TUBA1A: variants seen among roughly 807,000 people sequenced by gnomAD.
TUBA1A encodes the protein tubulin alpha-1A chain.
In TUBA1A, 7 loss-of-function variants were observed where a neutral mutation model predicts 34.6. The ratio of observed to expected loss-of-function variants is 0.20; its 90% CI spans 0.11 to 0.38. The LOEUF (loss-of-function observed/expected upper bound fraction) is 0.38, where lower values mean the gene tolerates loss of function less well. TUBA1A is among the 10% of genes least tolerant of loss of function. The pLI is 1.00. For synonymous variants in TUBA1A, 193 were observed against 210.2 expected (o/e 0.92, Z 0.71); for missense variants, 19 against 581.3 (o/e 0.03, Z 9.95).
In TUBA1A at chr12:49,185,823, T is replaced by G. The variant is rs544713824; in HGVS notation, c.543A>C (p.Val181=). 6.2e-7 allele frequency: 1 copy of G among 1,613,890 alleles called. No homozygotes were observed. Among genetic ancestry groups the G allele is most frequent in the Admixed American group, 1.7e-5 (1 of 59,992 alleles). ...TGAGGATGGAGTTGTAGGGCTCAAC[T>G]ACAGCTGTGGAAACCTGGGGCGCCG... ...IYPAPQVSTA[V]VEPYNSILTT... The change falls in exon 4 of 4, where the codon GTA becomes GTC. Residue 181 remains valine (V), a synonymous_variant. Coordinates refer to ENST00000301071, the MANE Select transcript of TUBA1A (RefSeq NM_006009.4).
rs1022658132 is a variant in TUBA1A at position 49,188,867 on chromosome 12, C to T, written c.3+110G>A. On this transcript the variant is annotated intron_variant, in intron 1 of 3. Transcript: ENST00000301071. The surrounding 1 kb of genome is among the most constrained non-coding windows in gnomAD (Gnocchi z 4.9). The stretch of plus-strand genomic sequence containing the variant: ...AGCTAAACCTCACAAAACATACCAC[C>T]ACCCTCGCCCAGAGAGCTTACGAAA... 6.2e-7 allele frequency: 1 copy of T among 1,611,624 alleles called. No individual in the cohort carries two copies. The highest frequency in any genetic ancestry group is 1.3e-5 in the African/African-American group (1 of 74,918).
Position 49,188,250 on chromosome 12 carries a change from C to A in TUBA1A, c.3+727G>T. 3.0e-6 allele frequency: 3 copies of A among 983,988 alleles called. No homozygotes were observed. Among genetic ancestry groups the A allele is most frequent in the Non-Finnish European group, 3.6e-6 (3 of 828,768 alleles). 61.0% of individuals were successfully genotyped at this position (983,988 alleles called of 1,614,324 possible). ...AACCCTTTTGGAGCCTACAGTTCCG[C>A]AATGATGAAAGGTTTTTTTGTTTTT... On this transcript the variant is annotated intron_variant, in intron 1 of 3. Coordinates refer to ENST00000301071, the MANE Select transcript of TUBA1A (RefSeq NM_006009.4). This position sits in a 1 kb window ranked among gnomAD's most constrained non-coding sequence, Gnocchi z 4.9.
Position 49,188,728 on chromosome 12 carries a change from C to A in TUBA1A, c.3+249G>T. On this transcript the variant is annotated intron_variant, in intron 1 of 3. Transcript: ENST00000301071. The surrounding 1 kb of genome is among the most constrained non-coding windows in gnomAD (Gnocchi z 4.9). ...CCGAAAGTCTCTCGGATAACACAGG[C>A]GCCTAGGCGCCGCCTTTGTTCCTCC... The A allele has an allele frequency of 6.9e-7, 1 of 1,450,746 alleles. No individual in the cohort carries two copies. Among genetic ancestry groups the A allele is most frequent in the Non-Finnish European group, 9.0e-7 (1 of 1,110,782 alleles). 89.9% of individuals were successfully genotyped at this position (1,450,746 alleles called of 1,614,324 possible).
Position 49,186,257 on chromosome 12 carries a change from CA to C in TUBA1A, c.375+52del, listed in dbSNP as rs1942178858. On this transcript the variant is annotated intron_variant, in intron 3 of 3. Transcript: ENST00000301071. The surrounding 1 kb of genome is among the most constrained non-coding windows in gnomAD (Gnocchi z 6.6). ...GTGTTTGAAAAAAAAAGCATTATTTCAAATGTGTTCTTTAGGCTCATTAATT... is the reference window on the plus strand; with the variant it reads ...GTGTTTGAAAAAAAAAGCATTATTTCAATGTGTTCTTTAGGCTCATTAATT... 1.9e-6 allele frequency: 3 copies of C among 1,612,154 alleles called. No individual in the cohort carries two copies.
At position 49,185,997 on chromosome 12, in the gene TUBA1A, CAA is replaced by C. The variant is rs770430707; in HGVS notation, c.376-9_376-8del. On this transcript the variant is annotated splice_polypyrimidine_tract_variant and splice_region_variant and intron_variant, in intron 3 of 3. Coordinates refer to ENST00000301071, the MANE Select transcript of TUBA1A (RefSeq NM_006009.4). ...GACCCGTGCACTGGTCGGCCTATAACAAAAGAGAGGAACAGAGGAAAGGTTAA... is the reference window on the plus strand; with the variant it reads ...GACCCGTGCACTGGTCGGCCTATAACAAGAGAGGAACAGAGGAAAGGTTAA... 1.1e-5 allele frequency: 18 copies of C among 1,613,954 alleles called. No individual in the cohort carries two copies. Among genetic ancestry groups the C allele is most frequent in the Non-Finnish European group, 1.5e-5 (18 of 1,180,016 alleles).
chr12:49,189,032 G>A lies in TUBA1A; in HGVS notation c.-53C>T. The stretch of plus-strand genomic sequence containing the variant: ...ATGGCGGAGACGAAGAGGAGAGGTT[G>A]TTGCTTCTTACAGCGCGACTCTTAG... On this transcript the variant is annotated 5_prime_UTR_variant, in exon 1 of 4. Transcript: ENST00000301071. 1.9e-6 allele frequency: 3 copies of A among 1,612,692 alleles called. No individual in the cohort carries two copies. In the South Asian group the frequency reaches 3.3e-5, roughly 18 times the overall value.
In TUBA1A at chr12:49,188,954, A is replaced by T. The variant is rs751404305; in HGVS notation, c.3+23T>A. ...GGCGCTGACTCCACCCAACGGCCAC[A>T]AAGAGCCGAAGCCGATTCTCACCAT... On this transcript the variant is annotated intron_variant, in intron 1 of 3. Transcript: ENST00000301071. This position sits in a 1 kb window ranked among gnomAD's most constrained non-coding sequence, Gnocchi z 4.9. The T allele has an allele frequency of 6.2e-7, 1 of 1,614,224 alleles. No individual in the cohort carries two copies. The highest frequency in any genetic ancestry group is 1.7e-5 in the Admixed American group (1 of 60,022).
Position 49,188,709 on chromosome 12 carries a change from G to T in TUBA1A, c.3+268C>A, listed in dbSNP as rs1209699013. On this transcript the variant is annotated intron_variant, in intron 1 of 3. Coordinates refer to ENST00000301071, the MANE Select transcript of TUBA1A (RefSeq NM_006009.4). This position sits in a 1 kb window ranked among gnomAD's most constrained non-coding sequence, Gnocchi z 4.9. ...GACGGGCTGCCCGCGGCCCCCGAAA[G>T]TCTCTCGGATAACACAGGCGCCTAG... 4.9e-6 allele frequency: 7 copies of T among 1,440,928 alleles called. No homozygotes were observed. The highest frequency in any genetic ancestry group is 1.4e-5 in the African/African-American group (1 of 69,692). The allele number at this position is 1,440,928 out of a possible 1,614,324, so 89.3% of individuals were successfully genotyped here. A position where few individuals can be genotyped will look rare whatever the true frequency, so the allele number is the denominator to read the frequency against.
chr12:49,186,964 A>G lies in TUBA1A; in HGVS notation c.4-131T>C, dbSNP rs1942189369. 3 of 1,498,898 alleles carry G rather than the reference A, an allele frequency of 2.0e-6. No homozygotes were observed. Among genetic ancestry groups the G allele is most frequent in the East Asian group, 2.6e-5 (1 of 38,130 alleles). The allele number at this position is 1,498,898 out of a possible 1,614,324, so 92.8% of individuals were successfully genotyped here. On this transcript the variant is annotated intron_variant, in intron 1 of 3. Coordinates refer to ENST00000301071, the MANE Select transcript of TUBA1A (RefSeq NM_006009.4). The surrounding 1 kb of genome is among the most constrained non-coding windows in gnomAD (Gnocchi z 6.6). ...AATTATTTGAGGTCATATCCCCAGC[A>G]CGATACAAAGATTAAGGAAAATCAC...
Position 49,188,903 on chromosome 12 carries a change from TAAAG to T in TUBA1A, c.3+70_3+73del. ...AGAGAGCTTACGAAAGAAAAGAGCT[TAAAG>T]GTTTTCCAAGTAGAGCCTGGGGGCG... On this transcript the variant is annotated intron_variant, in intron 1 of 3. Coordinates refer to ENST00000301071, the MANE Select transcript of TUBA1A (RefSeq NM_006009.4). This position sits in a 1 kb window ranked among gnomAD's most constrained non-coding sequence, Gnocchi z 4.9. The T allele has an allele frequency of 6.2e-7, 1 of 1,613,876 alleles. No homozygotes were observed. Among genetic ancestry groups the T allele is most frequent in the South Asian group, 1.1e-5 (1 of 91,082 alleles).
chr12:49,186,837 T>A lies in TUBA1A; in HGVS notation c.4-4A>T. 6.2e-7 allele frequency: 1 copy of A among 1,614,118 alleles called. No individual in the cohort carries two copies. Among genetic ancestry groups the A allele is most frequent in the Non-Finnish European group, 8.5e-7 (1 of 1,180,032 alleles). On this transcript the variant is annotated splice_region_variant and splice_polypyrimidine_tract_variant and intron_variant, in intron 1 of 3. Transcript: ENST00000301071. This position sits in a 1 kb window ranked among gnomAD's most constrained non-coding sequence, Gnocchi z 6.6. ...CGTGGATGGAGATGCACTCACGCTG[T>A]GGGGAGGAAAAGTGAAAAAATCGTA... is the stretch of plus-strand genomic sequence containing the variant.
Position 49,188,249 on chromosome 12 carries a change from G to A in TUBA1A, c.3+728C>T. On this transcript the variant is annotated intron_variant, in intron 1 of 3. Coordinates refer to ENST00000301071, the MANE Select transcript of TUBA1A (RefSeq NM_006009.4). This position sits in a 1 kb window ranked among gnomAD's most constrained non-coding sequence, Gnocchi z 4.9. ...AAACCCTTTTGGAGCCTACAGTTCC[G>A]CAATGATGAAAGGTTTTTTTGTTTT... 1 of 984,430 alleles carries A rather than the reference G, an allele frequency of 1.0e-6. No individual in the cohort carries two copies. Among genetic ancestry groups the A allele is most frequent in the Non-Finnish European group, 1.2e-6 (1 of 829,190 alleles). 61.0% of individuals were successfully genotyped at this position (984,430 alleles called of 1,614,324 possible).
In TUBA1A at chr12:49,188,752, C is replaced by G; in HGVS notation, c.3+225G>C. 6.7e-7 allele frequency: 1 copy of G among 1,490,902 alleles called. No homozygotes were observed. Among genetic ancestry groups the G allele is most frequent in the Non-Finnish European group, 8.8e-7 (1 of 1,131,862 alleles). 92.4% of individuals were successfully genotyped at this position (1,490,902 alleles called of 1,614,324 possible). ...GCGCCTAGGCGCCGCCTTTGTTCCT[C>G]CCCAGCGCTCTGCTGCGCCCTGGGC... On this transcript the variant is annotated intron_variant, in intron 1 of 3. Coordinates refer to ENST00000301071, the MANE Select transcript of TUBA1A (RefSeq NM_006009.4). This position sits in a 1 kb window ranked among gnomAD's most constrained non-coding sequence, Gnocchi z 4.9.
rs1461436379 is a variant in TUBA1A at position 49,188,464 on chromosome 12, C to T, written c.3+513G>A. Reference sequence around the variant, plus strand: ...GGTATCTTTCCAAAACGCCAAAGACCGCGGAGGGTCTTCCCACGCTAACCC... The same window carrying T: ...GGTATCTTTCCAAAACGCCAAAGACTGCGGAGGGTCTTCCCACGCTAACCC... On this transcript the variant is annotated intron_variant, in intron 1 of 3. Transcript: ENST00000301071. The surrounding 1 kb of genome is among the most constrained non-coding windows in gnomAD (Gnocchi z 4.9). The T allele has an allele frequency of 7.2e-6, 11 of 1,535,462 alleles. No individual in the cohort carries two copies. The Admixed American group carries it at 2.2e-4, about 30-fold the overall frequency.
Position 49,189,032 on chromosome 12 carries a change from G to C in TUBA1A, c.-53C>G. The C allele has an allele frequency of 6.2e-7, 1 of 1,612,692 alleles. No individual in the cohort carries two copies. Among genetic ancestry groups the C allele is most frequent in the Non-Finnish European group, 8.5e-7 (1 of 1,178,728 alleles). On this transcript the variant is annotated 5_prime_UTR_variant, in exon 1 of 4. Coordinates refer to ENST00000301071, the MANE Select transcript of TUBA1A (RefSeq NM_006009.4). ...ATGGCGGAGACGAAGAGGAGAGGTT[G>C]TTGCTTCTTACAGCGCGACTCTTAG... is the stretch of plus-strand genomic sequence containing the variant.
rs1229518024 is a variant in TUBA1A, at chr12:49,188,633, C to T, written c.3+344G>A. ...GCCCCTCAGCATCAGCGAAACCGTG[C>T]GCACAGACACGGGGCCCAGCCGGGA... On this transcript the variant is annotated intron_variant, in intron 1 of 3. Transcript: ENST00000301071. The surrounding 1 kb of genome is among the most constrained non-coding windows in gnomAD (Gnocchi z 4.9). 4 of 1,437,628 alleles carry T rather than the reference C, an allele frequency of 2.8e-6. No homozygotes were observed. The highest frequency in any genetic ancestry group is 3.6e-6 in the Non-Finnish European group (4 of 1,101,012). 89.1% of individuals were successfully genotyped at this position (1,437,628 alleles called of 1,614,324 possible).
rs1342939714 is a variant in TUBA1A, at chr12:49,188,443, T to C, written c.3+534A>G. 5 of 1,535,724 alleles carry C rather than the reference T, an allele frequency of 3.3e-6. No individual in the cohort carries two copies. The highest frequency in any genetic ancestry group is 1.4e-5 in the African/African-American group (1 of 73,000). On this transcript the variant is annotated intron_variant, in intron 1 of 3. Coordinates refer to ENST00000301071, the MANE Select transcript of TUBA1A (RefSeq NM_006009.4). The surrounding 1 kb of genome is among the most constrained non-coding windows in gnomAD (Gnocchi z 4.9). The stretch of plus-strand genomic sequence containing the variant: ...ATGTTTTCCCGGGAATGTGTGGGTA[T>C]CTTTCCAAAACGCCAAAGACCGCGG...
At position 49,188,488 on chromosome 12, in the gene TUBA1A, C is replaced by A. The variant is rs765224487; in HGVS notation, c.3+489G>T. On this transcript the variant is annotated intron_variant, in intron 1 of 3. Transcript: ENST00000301071. This position sits in a 1 kb window ranked among gnomAD's most constrained non-coding sequence, Gnocchi z 4.9. ...CCGCGGAGGGTCTTCCCACGCTAACCCTAGGCTGCGCTTTGTTCCCGTTCC... is the reference window on the plus strand; with the variant it reads ...CCGCGGAGGGTCTTCCCACGCTAACACTAGGCTGCGCTTTGTTCCCGTTCC... The A allele has an allele frequency of 6.3e-4, 968 of 1,532,096 alleles. No homozygotes were observed. Among genetic ancestry groups the A allele is most frequent in the Non-Finnish European group, 8.1e-4 (930 of 1,144,228 alleles). 94.9% of individuals were successfully genotyped at this position (1,532,096 alleles called of 1,614,324 possible). A position where few individuals can be genotyped will look rare whatever the true frequency, so the allele number is the denominator to read the frequency against.
chr12:49,184,864 G>T lies in TUBA1A; in HGVS notation c.*146C>A. 1.5e-6 allele frequency: 2 copies of T among 1,344,654 alleles called. No individual in the cohort carries two copies. Among genetic ancestry groups the T allele is most frequent in the Non-Finnish European group, 2.1e-6 (2 of 945,284 alleles). 83.3% of individuals were successfully genotyped at this position (1,344,654 alleles called of 1,614,324 possible). A position where few individuals can be genotyped will look rare whatever the true frequency, so the allele number is the denominator to read the frequency against. ...ATGGACAGCTTGGGTCTGTAACAAAGCATTCATGTTTTAGAGCATAGGTCA... is the reference window on the plus strand; with the variant it reads ...ATGGACAGCTTGGGTCTGTAACAAATCATTCATGTTTTAGAGCATAGGTCA... On this transcript the variant is annotated 3_prime_UTR_variant, in exon 4 of 4. Coordinates refer to ENST00000301071, the MANE Select transcript of TUBA1A (RefSeq NM_006009.4).
Sources: gnomAD v4.1 joint callset for allele counts on GRCh38, gnomAD v4.1.1 for gene constraint, Gnocchi (gnomAD v3.1) non-coding constraint, MANE v1.5 for transcripts, NCBI Gene and HGNC (gene_info 2026-07-23, HGNC 2026-07-21) for gene names.